The following ZHX2 variants were observed in gnomAD, a reference collection of about 807,000 sequenced individuals.
The protein encoded by ZHX2 is zinc fingers and homeoboxes protein 2.
ZHX2 carries 6 observed loss-of-function variants against 21.9 expected under a neutral mutation model. The ratio of observed to expected loss-of-function variants is 0.27; its 90% CI spans 0.15 to 0.54. The LOEUF (loss-of-function observed/expected upper bound fraction) is 0.54. ZHX2 is among the 20% of genes least tolerant of loss of function. ZHX2 has a pLI of 0.95. For missense variants in ZHX2, 908 were observed against 1,090.7 expected, an observed-to-expected ratio of 0.83 and a Z score of 2.36; for synonymous variants, 434 against 437.1, an observed-to-expected ratio of 0.99 and a Z score of 0.09.
At chr8:122,863,039 G>A (rs569730744) in intron 1 of ZHX2, among the ~76,000 whole-genome samples, 1 of 152,250 alleles carries the variant, frequency 6.6e-6, no homozygotes, top group South Asian at 2.1e-4. Flanking sequence ...TTGTTTTAAG[G>A]ACTGCAGTAT....
rs576843737 is a variant in ZHX2, at chr8:122,788,115, G to T, written c.-283+6169G>T. ...TACCCAGACACAGCACAAGCACATG[G>T]TGTTCACCATGTTAAGAACAGCAAT... is the stretch of plus-strand genomic sequence containing the variant. On this transcript the variant is annotated intron_variant, in intron 1 of 3. Coordinates refer to ENST00000314393, the MANE Select transcript of ZHX2 (RefSeq NM_014943.5). Among the ~76,000 whole-genome samples, 5 of 152,300 alleles carry T rather than the reference G, an allele frequency of 3.3e-5. No homozygotes were observed. The South Asian group carries it at 1.0e-3, about 32-fold the overall frequency.
chr8:122,827,772 C>A (rs1488657368), intron 1 of ZHX2, among the ~76,000 whole-genome samples: 1 of 152,110 alleles, frequency 6.6e-6, no homozygotes, highest in African/African-American at 2.4e-5. Context: ...GTGAAAAAAC[C>A]ACAATTACAT....
chr8:122,893,792 T>G (rs1820036585), intron 2 of ZHX2, among the ~76,000 whole-genome samples: 1 of 152,250 alleles, frequency 6.6e-6, no homozygotes, highest in African/African-American at 2.4e-5. Flanking sequence ...ATCATTATTT[T>G]GTATTTCTCT....
intron 2 of ZHX2, among the ~76,000 whole-genome samples, chr8:122,869,576 A>G (rs1819381839): frequency 6.6e-6 from 1 of 152,232 alleles, no homozygotes; most frequent in Non-Finnish European, 1.5e-5. Context: ...AGGCTCCCTC[A>G]GGGAGCTGTC....
At chr8:122,909,622 T>G (rs2129995924) in intron 2 of ZHX2, among the ~76,000 whole-genome samples, 1 of 151,374 alleles carries the variant, frequency 6.6e-6, no homozygotes, top group Non-Finnish European at 1.5e-5. Context: ...CACAACCTGT[T>G]CCTCCTGATT....
At chr8:122,871,584 G>A (rs1052641081) in intron 2 of ZHX2, among the ~76,000 whole-genome samples, 26 of 150,240 alleles carry the variant, frequency 1.7e-4, no homozygotes, top group Non-Finnish European at 3.4e-4. Flanking sequence ...TGTAAATGAC[G>A]AGTTAATGGG....
chr8:122,826,318 C>T (rs1335365455), intron 1 of ZHX2, among the ~76,000 whole-genome samples: 1 of 152,220 alleles, frequency 6.6e-6, no homozygotes, highest in Admixed American at 6.5e-5. Flanking sequence ...TTTGCCATTT[C>T]TGCCTGCCAT....
At chr8:122,935,168 A>G (rs1483106555) in intron 2 of ZHX2, among the ~76,000 whole-genome samples, 1 of 146,524 alleles carries the variant, frequency 6.8e-6, no homozygotes, top group Non-Finnish European at 1.5e-5. Context: ...TTTTTTTTTT[A>G]TCTATTTGAA....
At chr8:122,895,756 A>G (rs1730703935) in intron 2 of ZHX2, among the ~76,000 whole-genome samples, 1 of 151,986 alleles carries the variant, frequency 6.6e-6, no homozygotes, top group Non-Finnish European at 1.5e-5. Flanking sequence ...AAAAAAAAAA[A>G]AAGCTCTCGC....
intron 2 of ZHX2, among the ~76,000 whole-genome samples, chr8:122,892,128 C>T (rs191928151): frequency 1.3e-5 from 2 of 152,284 alleles, no homozygotes; most frequent in East Asian, 3.9e-4. Context: ...TATATATTTA[C>T]AATCATTGTA....
chr8:122,875,165 A>ATCC (rs1819540310), intron 2 of ZHX2, among the ~76,000 whole-genome samples: 1 of 46,054 alleles, frequency 2.2e-5, no homozygotes, highest in African/African-American at 9.4e-5. Flanking sequence ...ATATATATAT[A>ATCC]TATATATATA....
At chr8:122,960,757 G>A (rs552804394) in intron 3 of ZHX2, among the ~76,000 whole-genome samples, 11 of 152,302 alleles carry the variant, frequency 7.2e-5, no homozygotes, top group East Asian at 5.8e-4. Flanking sequence ...AAGCCAGAGC[G>A]TTAGGTGGAC....
chr8:122,863,488 C>G lies in ZHX2; in HGVS notation c.-271C>G, dbSNP rs1819216195. The G allele has an allele frequency of 1.3e-5, 2 of 152,650 alleles. No homozygotes were observed. The highest frequency in any genetic ancestry group is 4.8e-5 in the African/African-American group (2 of 41,392). The allele number at this position is 152,650 out of a possible 1,614,324, so 9.5% of individuals were successfully genotyped here. The stretch of plus-strand genomic sequence containing the variant: ...TCTGTCCCCTGTAGGTCTGGATGTA[C>G]CGACTGCTTTTGGAATAAAAAGATT... On this transcript the variant is annotated 5_prime_UTR_variant, in exon 2 of 4. An upstream open reading frame in the 5' UTR gains an earlier in-frame stop. Transcript: ENST00000314393.
intron 2 of ZHX2, among the ~76,000 whole-genome samples, chr8:122,877,982 A>AT (rs1350750065): frequency 6.6e-6 from 1 of 152,114 alleles, no homozygotes; most frequent in African/African-American, 2.4e-5. Context: ...AGAGTGAGAC[A>AT]TAAGGGGGAG....
chr8:122,971,023 T>C (rs1335489802), intron 3 of ZHX2, among the ~76,000 whole-genome samples: 1 of 152,236 alleles, frequency 6.6e-6, no homozygotes, highest in Non-Finnish European at 1.5e-5. Flanking sequence ...GGAGTCGGGC[T>C]TCACCACTCA....
rs1463299853 is a variant in ZHX2, at chr8:122,952,818, C to T, written c.1308C>T (p.Pro436=). The change falls in exon 3 of 4, where the codon CCC becomes CCT. Residue 436 remains proline (P), a synonymous_variant. Coordinates refer to ENST00000314393, the MANE Select transcript of ZHX2 (RefSeq NM_014943.5). The surrounding 1 kb of genome is among the most constrained non-coding windows in gnomAD (Gnocchi z 6.9). ...AGCCCCCACCCAAGGTGGCCAACCC[C>T]CCGCTCACACCAGCCAGTGACCGCA... is the stretch of plus-strand genomic sequence containing the variant. ...VPEPPPKVAN[P]PLTPASDRKK... 6.2e-7 allele frequency: 1 copy of T among 1,614,124 alleles called. No homozygotes were observed. The highest frequency in any genetic ancestry group is 8.5e-7 in the Non-Finnish European group (1 of 1,180,026).
chr8:122,888,774 C>T (rs1563769566), intron 2 of ZHX2, among the ~76,000 whole-genome samples: 1 of 152,190 alleles, frequency 6.6e-6, no homozygotes, highest in Admixed American at 6.5e-5. Flanking sequence ...TGAGCCACCG[C>T]GCACAGCCAC....
intron 2 of ZHX2, among the ~76,000 whole-genome samples, chr8:122,913,043 C>T (rs561452692): frequency 6.6e-6 from 1 of 152,324 alleles, no homozygotes; most frequent in East Asian, 1.9e-4. Flanking sequence ...TCCCTCCAAA[C>T]TGCCCTGCCT....
chr8:122,903,070 G>A (rs888600925), intron 2 of ZHX2, among the ~76,000 whole-genome samples: 2 of 152,138 alleles, frequency 1.3e-5, no homozygotes, highest in Non-Finnish European at 2.9e-5. Context: ...CCCAAGTCAG[G>A]ACACTCCTCC....
Sources: allele counts gnomAD v4.1 joint callset (sites outside exome capture counted in the v4.1 genomes callset), GRCh38; gene constraint gnomAD v4.1.1; non-coding constraint Gnocchi (gnomAD v3.1); transcripts MANE v1.5; gene names NCBI Gene and HGNC (gene_info 2026-07-23, HGNC 2026-07-21).